The following NEMF variants were observed in gnomAD, a reference collection of about 807,000 sequenced individuals.
NEMF encodes nuclear export mediator factor.
In NEMF, 89 loss-of-function variants were observed where a neutral mutation model predicts 162.2. The ratio of observed to expected loss-of-function variants is 0.55; its 90% CI spans 0.46 to 0.65. NEMF has a LOEUF of 0.65. Among genes scored for constraint, NEMF ranks in the 30% least tolerant of loss-of-function variants. The pLI is 0.00. For missense variants in NEMF, 1,133 were observed against 1,261.9 expected, an observed-to-expected ratio of 0.90 and a Z score of 1.55; for synonymous variants, 421 against 404.5, an observed-to-expected ratio of 1.04 and a Z score of -0.49.
At chr14:49,793,525 G>A (rs1391259192) in intron 26 of NEMF, among the ~76,000 whole-genome samples, 3 of 152,124 alleles carry the variant, frequency 2.0e-5, no homozygotes, top group African/African-American at 7.2e-5. Context: ...TGGTAAAAAT[G>A]ACAATTCCCC....
intron 18 of NEMF, among the ~76,000 whole-genome samples, chr14:49,810,674 C>T (rs1482814082): frequency 1.3e-5 from 2 of 152,010 alleles, no homozygotes; most frequent in Non-Finnish European, 2.9e-5. Flanking sequence ...ATCAGCTTCT[C>T]CATCTCTGAA....
chr14:49,822,112 C>T (rs1566683029), intron 16 of NEMF, among the ~76,000 whole-genome samples: 1 of 151,864 alleles, frequency 6.6e-6, no homozygotes, highest in Non-Finnish European at 1.5e-5. Flanking sequence ...TTGAAGGCAG[C>T]ATGCTCGTTG....
chr14:49,816,464 G>T (rs572411462), intron 16 of NEMF, among the ~76,000 whole-genome samples: 1 of 152,214 alleles, frequency 6.6e-6, no homozygotes, highest in Non-Finnish European at 1.5e-5. Flanking sequence ...CCTACTCCCT[G>T]TTCTTGCACC....
At position 49,831,288 on chromosome 14, in the gene NEMF, A is replaced by G. The variant is rs768311407; in HGVS notation, c.945+11T>C. Reference sequence around the variant, plus strand: ...CTAGCTGGTTTAATATGTGTTTTTAATAATACATACCTGTTGTAAAGCTTT... The same window carrying G: ...CTAGCTGGTTTAATATGTGTTTTTAGTAATACATACCTGTTGTAAAGCTTT... On this transcript the variant is annotated intron_variant, in intron 11 of 32. Coordinates refer to ENST00000298310, the MANE Select transcript of NEMF (RefSeq NM_004713.6). The G allele has an allele frequency of 1.4e-6, 2 of 1,479,902 alleles. No homozygotes were observed. The allele number at this position is 1,479,902 out of a possible 1,614,324, so 91.7% of individuals were successfully genotyped here.
At chr14:49,843,107 TTAGA>T (rs1395411498) in intron 4 of NEMF, among the ~76,000 whole-genome samples, 1 of 152,052 alleles carries the variant, frequency 6.6e-6, no homozygotes, top group African/African-American at 2.4e-5. Flanking sequence ...CATAATCAGA[TTAGA>T]TAAAGAGCTC....
At position 49,831,434 on chromosome 14, in the gene NEMF, TA is replaced by T. The variant is rs200862388; in HGVS notation, c.883-74del. On this transcript the variant is annotated intron_variant, in intron 10 of 32. Transcript: ENST00000298310. ...ACTTCAACTTGCATACACAGAATTT[TA>T]TTTTTTTTTTCTTTTTTTTTGAGAC... is the stretch of plus-strand genomic sequence containing the variant. 319 of 853,452 alleles carry T rather than the reference TA, an allele frequency of 3.7e-4. 2 individuals carry two copies. The highest frequency in any genetic ancestry group is 5.9e-4 in the Admixed American group (23 of 38,790). 52.9% of individuals were successfully genotyped at this position (853,452 alleles called of 1,614,324 possible).
At chr14:49,844,375 T>C (rs1893365594) in intron 4 of NEMF, among the ~76,000 whole-genome samples, 1 of 152,214 alleles carries the variant, frequency 6.6e-6, no homozygotes, top group Non-Finnish European at 1.5e-5. Context: ...AGGTGAGTAA[T>C]GCTCACTCGC....
At chr14:49,831,388 G>A (rs369748286) in intron 10 of NEMF, 27 bp from the exon 11 acceptor site, 438 of 1,398,764 alleles carry the variant, frequency 3.1e-4, no homozygotes, top group Middle Eastern at 9.1e-4. Flanking sequence ...ACAACTAGTT[G>A]GAAAAAAAAG....
intron 3 of NEMF, among the ~76,000 whole-genome samples, chr14:49,848,860 A>C (rs892034592): frequency 2.0e-5 from 3 of 149,954 alleles, no homozygotes; most frequent in African/African-American, 7.3e-5. Context: ...AAAAAGACTT[A>C]AATACGAAAC....
Position 49,814,066 on chromosome 14 carries a change from A to G in NEMF, c.1682-16T>C, listed in dbSNP as rs766751309. The G allele has an allele frequency of 4.9e-6, 7 of 1,433,196 alleles. No homozygotes were observed. The highest frequency in any genetic ancestry group is 4.9e-6 in the Non-Finnish European group (5 of 1,019,110). 88.8% of individuals were successfully genotyped at this position (1,433,196 alleles called of 1,614,324 possible). On this transcript the variant is annotated splice_polypyrimidine_tract_variant and intron_variant, in intron 17 of 32. Coordinates refer to ENST00000298310, the MANE Select transcript of NEMF (RefSeq NM_004713.6). Reference sequence around the variant, plus strand: ...TAAATGTCTCCTTAAATACAGACAAATAAAAAATGACACTTTAAGTCCTAA... The same window carrying G: ...TAAATGTCTCCTTAAATACAGACAAGTAAAAAATGACACTTTAAGTCCTAA...
intron 5 of NEMF, among the ~76,000 whole-genome samples, chr14:49,839,997 A>G (rs1893115199): frequency 6.6e-6 from 1 of 152,168 alleles, no homozygotes; most frequent in African/African-American, 2.4e-5. Context: ...CATGTCTACA[A>G]AAAAATTTAA....
chr14:49,782,897 C>CACTT lies in NEMF; in HGVS notation c.*1735_*1738dup, dbSNP rs751312335. 4 of 1,613,754 alleles carry CACTT rather than the reference C, an allele frequency of 2.5e-6. No individual in the cohort carries two copies. On this transcript the variant is annotated 3_prime_UTR_variant, in exon 33 of 33. Coordinates refer to ENST00000298310, the MANE Select transcript of NEMF (RefSeq NM_004713.6). ...CAACTCATGGAACTGCCTTCCAAAA[C>CACTT]ACTTACTTCACAGTGTTAATCAGAG...
rs751195368 is a variant in NEMF at position 49,782,984 on chromosome 14, G to A, written c.*1652C>T. 2.5e-6 allele frequency: 4 copies of A among 1,601,488 alleles called. No homozygotes were observed. The East Asian group carries it at 6.7e-5, about 27-fold the overall frequency. On this transcript the variant is annotated 3_prime_UTR_variant, in exon 33 of 33. Transcript: ENST00000298310. ...CATAAATAATGCCTATGATCACCTT[G>A]CATGGACAGCAATCCTGTAAACATC...
intron 28 of NEMF, among the ~76,000 whole-genome samples, chr14:49,788,465 C>T (rs776705363): frequency 4.6e-5 from 7 of 151,620 alleles, no homozygotes; most frequent in Non-Finnish European, 8.8e-5. Flanking sequence ...ACATTATGTA[C>T]GACCATATGG....
At chr14:49,845,694 T>C (rs1400007203) in intron 4 of NEMF, among the ~76,000 whole-genome samples, 2 of 152,222 alleles carry the variant, frequency 1.3e-5, no homozygotes, top group Non-Finnish European at 2.9e-5. Flanking sequence ...AGCCTAGGCC[T>C]ACACAGAGTC....
intron 22 of NEMF, chr14:49,800,987 C>A: frequency 3.1e-6 from 1 of 326,960 alleles, no homozygotes; most frequent in South Asian, 6.9e-5. Flanking sequence ...TTCCAAAAAC[C>A]AAGACAGCAA....
intron 15 of NEMF, among the ~76,000 whole-genome samples, chr14:49,827,813 CAAA>C (rs749485902): frequency 8.0e-6 from 1 of 124,866 alleles, no homozygotes. Context: ...AACTCCATCG[CAAA>C]AAAAAAAAAG....
intron 18 of NEMF, among the ~76,000 whole-genome samples, chr14:49,808,467 G>T (rs767866174): frequency 1.2e-4 from 19 of 152,128 alleles, no homozygotes; most frequent in Non-Finnish European, 2.5e-4. Flanking sequence ...GAGCCACCGT[G>T]CCGGGCTGAA....
At chr14:49,807,150 G>A (rs750675509) in intron 18 of NEMF, among the ~76,000 whole-genome samples, 2 of 152,168 alleles carry the variant, frequency 1.3e-5, no homozygotes, top group Non-Finnish European at 2.9e-5. Context: ...CAGCATTTTA[G>A]GTTTGGCTTC....
Sources: gnomAD v4.1 joint callset for allele counts (sites outside exome capture counted in the v4.1 genomes callset) on GRCh38, gnomAD v4.1.1 for gene constraint, MANE v1.5 for transcripts, NCBI Gene and HGNC (gene_info 2026-07-23, HGNC 2026-07-21) for gene names.